CALN1: variants seen among roughly 807,000 people sequenced by gnomAD.
CALN1 encodes the protein calcium-binding protein 8.
Under a neutral mutation model 30.6 loss-of-function variants are expected in CALN1, and 17 were observed. That is an observed-to-expected ratio of 0.56 (90% CI 0.38 to 0.83). The LOEUF (loss-of-function observed/expected upper bound fraction) is 0.83, where lower values mean the gene tolerates loss of function less well. Among genes scored for constraint, CALN1 ranks in the 40% least tolerant of loss-of-function variants. The probability of loss-of-function intolerance (pLI) is 0.00; values close to 1 mark genes in which losing one functional copy is unlikely to be tolerated. For synonymous variants in CALN1, 156 were observed against 131.4 expected, an observed-to-expected ratio of 1.19 and a Z score of -1.28; for missense variants, 291 against 354.9, an observed-to-expected ratio of 0.82 and a Z score of 1.45.
the CALN1 span, among the ~76,000 whole-genome samples, chr7:72,493,895 T>C: frequency 2.6e-5 from 4 of 152,200 alleles, no homozygotes; most frequent in African/African-American, 9.6e-5. Context: ...TCTCATCATG[T>C]ATAAGTCTAG....
chr7:72,299,689 C>CTTTT (rs34296600), intron 2 of CALN1, among the ~76,000 whole-genome samples: 8 of 119,834 alleles, frequency 6.7e-5, no homozygotes, highest in African/African-American at 2.5e-4. Context: ...ATGCTCTTAT[C>CTTTT]TTTTTTTTTT....
intron 3 of CALN1, among the ~76,000 whole-genome samples, chr7:72,136,705 G>A (rs1485630796): frequency 6.6e-6 from 1 of 152,164 alleles, no homozygotes; most frequent in East Asian, 1.9e-4. Context: ...TAAAGTGAGA[G>A]ACATGAGACT....
intron 3 of CALN1, among the ~76,000 whole-genome samples, chr7:72,110,598 G>A (rs930250561): frequency 1.3e-5 from 2 of 151,112 alleles, no homozygotes; most frequent in Non-Finnish European, 2.9e-5. Context: ...GAATTCGTGT[G>A]TGTGTCTATG....
chr7:72,157,652 A>T (rs1039856050), intron 3 of CALN1, among the ~76,000 whole-genome samples: 3 of 152,202 alleles, frequency 2.0e-5, no homozygotes, highest in Non-Finnish European at 2.9e-5. Flanking sequence ...GAGAAGTGGA[A>T]ATGGAGGGAC....
intron 3 of CALN1, among the ~76,000 whole-genome samples, chr7:72,252,778 T>G (rs1473956905): frequency 6.6e-6 from 1 of 152,056 alleles, no homozygotes; most frequent in Non-Finnish European, 1.5e-5. Flanking sequence ...CCTGCTTATT[T>G]TATTTTCTGT....
Position 71,785,148 on chromosome 7 carries a change from C to A in CALN1, c.*2627G>T. 1 of 340,970 alleles carries A rather than the reference C, an allele frequency of 2.9e-6. No individual in the cohort carries two copies. The highest frequency in any genetic ancestry group is 5.3e-6 in the Non-Finnish European group (1 of 190,104). The allele number at this position is 340,970 out of a possible 1,614,324, so 21.1% of individuals were successfully genotyped here. On this transcript the variant is annotated 3_prime_UTR_variant, in exon 7 of 7. Coordinates refer to ENST00000395275, the MANE Select transcript of CALN1 (RefSeq NM_031468.4). ...AGTGGGAAGATAACTCCTAGGCTGT[C>A]AGAAAGAATTCTGTGTCTTCCTTCT...
intron 4 of CALN1, among the ~76,000 whole-genome samples, chr7:72,077,488 G>A (rs981046503): frequency 1.3e-5 from 2 of 152,122 alleles, no homozygotes; most frequent in African/African-American, 4.8e-5. Flanking sequence ...TAGCCAGGCT[G>A]GTCTCGAACT....
chr7:71,925,282 AGC>A (rs1795204817), intron 5 of CALN1, among the ~76,000 whole-genome samples: 1 of 146,112 alleles, frequency 6.8e-6, no homozygotes, highest in Non-Finnish European at 1.5e-5. Flanking sequence ...CAAGCAAGCA[AGC>A]AAGAAAAGAA....
intron 3 of CALN1, among the ~76,000 whole-genome samples, chr7:72,156,444 A>G (rs2129544531): frequency 6.6e-6 from 1 of 152,288 alleles, no homozygotes; most frequent in East Asian, 1.9e-4. Flanking sequence ...CCTGATGGAG[A>G]GTAGGCAGTC....
At chr7:72,098,751 G>C (rs1269297563) in intron 4 of CALN1, among the ~76,000 whole-genome samples, 2 of 111,012 alleles carry the variant, frequency 1.8e-5, no homozygotes, top group Admixed American at 2.2e-4. Flanking sequence ...GAGCAGTTCA[G>C]CCCATTTGGC....
intron 4 of CALN1, among the ~76,000 whole-genome samples, chr7:72,039,514 A>ATTG (rs1381185482): frequency 4.6e-5 from 7 of 152,230 alleles, no homozygotes; most frequent in Non-Finnish European, 5.9e-5. Context: ...TACTAATCAC[A>ATTG]TTACAGACTT....
intron 3 of CALN1, among the ~76,000 whole-genome samples, chr7:72,167,833 C>T (rs2129545247): frequency 6.6e-6 from 1 of 152,244 alleles, no homozygotes; most frequent in Admixed American, 6.5e-5. Flanking sequence ...GGATTTGTAA[C>T]AATTCATGGA....
rs1554348535 is a variant in CALN1, at chr7:72,278,013, G to GA, written c.244+672_244+673insT. Among the ~76,000 whole-genome samples, 4 of 138,572 alleles carry GA rather than the reference G, an allele frequency of 2.9e-5. 1 individual carries two copies. Among genetic ancestry groups the GA allele is most frequent in the African/African-American group, 1.0e-4 (4 of 38,242 alleles). 90.9% of individuals were successfully genotyped at this position (138,572 alleles called of 152,430 possible). On this transcript the variant is annotated intron_variant, in intron 3 of 6. Coordinates refer to ENST00000395275, the MANE Select transcript of CALN1 (RefSeq NM_031468.4). ...ATCAACCTAATCCTCTATTCCGGGGGGGGGGGACTTGTTTTTCCTATTTTT... is the reference window on the plus strand; with the variant it reads ...ATCAACCTAATCCTCTATTCCGGGGGAGGGGGGACTTGTTTTTCCTATTTTT...
In CALN1 at chr7:72,371,756, A is replaced by G. The variant is rs182554506; in HGVS notation, c.119+31495T>C. Among the ~76,000 whole-genome samples, 592 of 152,318 alleles carry G rather than the reference A, an allele frequency of 3.9e-3. 3 individuals are homozygous for G. The highest frequency in any genetic ancestry group is 4.0e-3 in the Non-Finnish European group (271 of 68,034). ...AGTTTCACCAGGTTTCACTGATAAA[A>G]CTATGCTTTCTCCACTGAATTGCCT... On this transcript the variant is annotated intron_variant, in intron 2 of 6. Transcript: ENST00000395275.
intron 3 of CALN1, among the ~76,000 whole-genome samples, chr7:72,240,979 T>C (rs1356067643): frequency 1.3e-5 from 2 of 152,196 alleles, no homozygotes; most frequent in African/African-American, 4.8e-5. Context: ...CCACCTCCTC[T>C]AAAAGCATTA....
intron 3 of CALN1, among the ~76,000 whole-genome samples, chr7:72,155,657 G>A (rs1413602953): frequency 1.3e-5 from 2 of 152,080 alleles, no homozygotes; most frequent in African/African-American, 4.8e-5. Context: ...TACTAGGGAG[G>A]GCTATAATGC....
chr7:72,304,415 G>T (rs186003996), intron 2 of CALN1, among the ~76,000 whole-genome samples: 209 of 152,220 alleles, frequency 1.4e-3, no homozygotes, highest in Non-Finnish European at 2.3e-3. Flanking sequence ...GGCCAGGAAG[G>T]GGGGATTGCC....
At chr7:72,222,612 T>C (rs1371943604) in intron 3 of CALN1, among the ~76,000 whole-genome samples, 1 of 152,026 alleles carries the variant, frequency 6.6e-6, no homozygotes, top group Non-Finnish European at 1.5e-5. Context: ...GGGACACAGA[T>C]CCAAACCATA....
intron 3 of CALN1, among the ~76,000 whole-genome samples, chr7:72,260,247 G>T (rs931640689): frequency 6.6e-6 from 1 of 152,132 alleles, no homozygotes; most frequent in African/African-American, 2.4e-5. Context: ...GCAGTGATAA[G>T]AATAAGAGAA....
Sources: gnomAD v4.1 joint callset for allele counts (sites outside exome capture counted in the v4.1 genomes callset) on GRCh38, gnomAD v4.1.1 for gene constraint, MANE v1.5 for transcripts, NCBI Gene and HGNC (gene_info 2026-07-23, HGNC 2026-07-21) for gene names.